The following ITGB6 variants were observed in gnomAD, a reference collection of about 807,000 sequenced individuals.
ITGB6 encodes the protein integrin subunit beta 6.
A neutral mutation model predicts 84.5 loss-of-function variants in ITGB6; 80 were observed. That is an observed-to-expected ratio of 0.95 (90% confidence interval 0.79 to 1.14). ITGB6 has a LOEUF of 1.14. ITGB6 is among the 50% of genes most tolerant of loss of function. The pLI is 0.00. For missense variants in ITGB6, 1,006 were observed against 968.0 expected (o/e 1.04, Z -0.52); for synonymous variants, 383 against 354.9 (o/e 1.08, Z -0.89).
chr2:160,183,505 C>G (rs1685770156), intron 4 of ITGB6, among the ~76,000 whole-genome samples: 1 of 152,096 alleles, frequency 6.6e-6, no homozygotes, highest in African/African-American at 2.4e-5. Flanking sequence ...CCTTAGATAC[C>G]TACAAAGAAA....
At chr2:160,158,074 T>A (rs1330696295) in intron 7 of ITGB6, among the ~76,000 whole-genome samples, 1 of 152,182 alleles carries the variant, frequency 6.6e-6, no homozygotes, top group Non-Finnish European at 1.5e-5. Context: ...ATGTAATTGT[T>A]CCTGGCACAA....
chr2:160,183,603 T>C (rs1006199809), intron 4 of ITGB6, among the ~76,000 whole-genome samples: 3 of 152,128 alleles, frequency 2.0e-5, no homozygotes, highest in Middle Eastern at 3.2e-3. Flanking sequence ...TATACAAGGA[T>C]ATTCAGGACT....
chr2:160,157,912 G>A (rs545039489), intron 7 of ITGB6, among the ~76,000 whole-genome samples: 1 of 152,216 alleles, frequency 6.6e-6, no homozygotes, highest in East Asian at 1.9e-4. Context: ...TCTTCAGAAG[G>A]CTTTCTTCCC....
At chr2:160,171,331 TTTTTTA>T (rs1247502546) in intron 6 of ITGB6, among the ~76,000 whole-genome samples, 12 of 145,614 alleles carry the variant, frequency 8.2e-5, no homozygotes, top group South Asian at 2.3e-4. Flanking sequence ...TCAAATTTAT[TTTTTTA>T]TTTTTTTTTT....
Position 160,129,531 on chromosome 2 carries a change from A to G in ITGB6, c.1661-2930T>C, listed in dbSNP as rs572284902. On this transcript the variant is annotated intron_variant, in intron 10 of 14. Transcript: ENST00000283249. The stretch of plus-strand genomic sequence containing the variant: ...CTGGCCCATAAATAAGCACTATACA[A>G]GTGTTAGTTACTGCCATTATTTCTG... Among the ~76,000 whole-genome samples, 423 of 152,296 alleles carry G rather than the reference A, an allele frequency of 2.8e-3. 2 individuals carry two copies. The highest frequency in any genetic ancestry group is 4.9e-3 in the Non-Finnish European group (331 of 68,024).
At chr2:160,177,064 G>C (rs1360370182) in intron 4 of ITGB6, among the ~76,000 whole-genome samples, 1 of 152,010 alleles carries the variant, frequency 6.6e-6, no homozygotes, top group African/African-American at 2.4e-5. Flanking sequence ...ATTGCCATCT[G>C]TGGTATTAGT....
At chr2:160,157,111 T>C (rs999265564) in intron 7 of ITGB6, among the ~76,000 whole-genome samples, 15 of 152,310 alleles carry the variant, frequency 9.8e-5, no homozygotes, top group African/African-American at 3.6e-4. Context: ...CATTGTCACA[T>C]GATGTTCTCC....
intron 4 of ITGB6, among the ~76,000 whole-genome samples, chr2:160,191,059 T>C (rs1686121493): frequency 6.6e-6 from 1 of 152,166 alleles, no homozygotes; most frequent in African/African-American, 2.4e-5. Flanking sequence ...GGTATAATAT[T>C]CTCTGATTTT....
At chr2:160,179,074 G>C (rs1487937083) in intron 4 of ITGB6, 6 of 152,066 alleles carry the variant, frequency 3.9e-5, no homozygotes, top group Non-Finnish European at 7.4e-5. Flanking sequence ...ACTTGATTTT[G>C]AGTCCCTAGA....
rs551611850 is a variant in ITGB6 at position 160,192,818 on chromosome 2, A to G, written c.593+2551T>C. On this transcript the variant is annotated intron_variant, in intron 4 of 14. Coordinates refer to ENST00000283249, the MANE Select transcript of ITGB6 (RefSeq NM_000888.5). The stretch of plus-strand genomic sequence containing the variant: ...GGAAAGACAGTCTAATCTTAAAAAA[A>G]TGGGCAAAAGATTTGAAAAGAAACC... Among the ~76,000 whole-genome samples, 204 of 152,258 alleles carry G rather than the reference A, an allele frequency of 1.3e-3. 2 individuals are homozygous for G. The highest frequency in any genetic ancestry group is 4.5e-3 in the African/African-American group (189 of 41,578).
intron 4 of ITGB6, among the ~76,000 whole-genome samples, chr2:160,189,128 G>T (rs1208448494): frequency 6.6e-6 from 1 of 152,138 alleles, no homozygotes; most frequent in Non-Finnish European, 1.5e-5. Context: ...AATAAATGGT[G>T]CTGGGAAAAC....
At chr2:160,192,161 A>C (rs930385129) in intron 4 of ITGB6, among the ~76,000 whole-genome samples, 7 of 152,132 alleles carry the variant, frequency 4.6e-5, no homozygotes, top group Non-Finnish European at 8.8e-5. Context: ...CAAAGGATCT[A>C]GGATAAACAA....
rs1559238884 is a variant in ITGB6 at position 160,195,629 on chromosome 2, CA to C, written c.347-15del. 1 of 1,612,626 alleles carries C rather than the reference CA, an allele frequency of 6.2e-7. No individual in the cohort carries two copies. Among genetic ancestry groups the C allele is most frequent in the African/African-American group, 1.3e-5 (1 of 75,024 alleles). The stretch of plus-strand genomic sequence containing the variant: ...TCTGCGCACCACCTGCAAAGCCCAA[CA>C]GGAAAAGCAAACCCAGGAAAACACA... On this transcript the variant is annotated splice_polypyrimidine_tract_variant and intron_variant, in intron 3 of 14. Transcript: ENST00000283249.
chr2:160,124,689 C>T (rs1317737081), intron 11 of ITGB6, among the ~76,000 whole-genome samples: 1 of 152,176 alleles, frequency 6.6e-6, no homozygotes, highest in Non-Finnish European at 1.5e-5. Flanking sequence ...TCTCCTCTGG[C>T]CATGGAAATG....
At chr2:160,145,521 G>A (rs527326317) in intron 7 of ITGB6, among the ~76,000 whole-genome samples, 69 of 152,296 alleles carry the variant, frequency 4.5e-4, no homozygotes, top group African/African-American at 1.6e-3. Flanking sequence ...TCCTCTTTGT[G>A]GAAGAGAAAG....
At chr2:160,188,505 CT>C (rs1330074001) in intron 4 of ITGB6, among the ~76,000 whole-genome samples, 4 of 152,152 alleles carry the variant, frequency 2.6e-5, no homozygotes, top group Non-Finnish European at 4.4e-5. Context: ...TGGTCTCCCC[CT>C]AATCACACCC....
At position 160,112,123 on chromosome 2, in the gene ITGB6, T is replaced by C. The variant is rs199673949; in HGVS notation, c.2058A>G (p.Thr686=). Residue 686 remains threonine, a synonymous_variant, in exon 13 of 15, where the codon ACA becomes ACG. Transcript: ENST00000283249. ...NECLITFLIT[T]DNEGKTIIHS... ...GAATGATGGTTTTCCCCTCATTATC[T>C]GTAGTTATTAGGAATGTAATAAGAC... is the stretch of plus-strand genomic sequence containing the variant. 2.5e-6 allele frequency: 4 copies of C among 1,612,814 alleles called. No homozygotes were observed. Among genetic ancestry groups the C allele is most frequent in the South Asian group, 2.2e-5 (2 of 90,812 alleles).
At position 160,142,098 on chromosome 2, in the gene ITGB6, T is replaced by A. The variant is rs1203797728; in HGVS notation, c.1018-27A>T. 2.1e-6 allele frequency: 3 copies of A among 1,429,306 alleles called. No homozygotes were observed. The African/African-American group carries it at 4.3e-5, about 20-fold the overall frequency. The allele number at this position is 1,429,306 out of a possible 1,614,324, so 88.5% of individuals were successfully genotyped here. On this transcript the variant is annotated intron_variant, in intron 7 of 14. Coordinates refer to ENST00000283249, the MANE Select transcript of ITGB6 (RefSeq NM_000888.5). The stretch of plus-strand genomic sequence containing the variant: ...TGTAAACAGAAAAAGAGTAAGTCAA[T>A]CTTTGTTTCCTCATGGTAATTGAGA...
intron 2 of ITGB6, among the ~76,000 whole-genome samples, chr2:160,198,827 C>T (rs1180288469): frequency 6.6e-6 from 1 of 152,156 alleles, no homozygotes; most frequent in African/African-American, 2.4e-5. Context: ...GTATGTTTAA[C>T]TTTAGAAAAT....
Sources: gnomAD v4.1 joint callset for allele counts (sites outside exome capture counted in the v4.1 genomes callset) on GRCh38, gnomAD v4.1.1 for gene constraint, MANE v1.5 for transcripts, NCBI Gene and HGNC (gene_info 2026-07-23, HGNC 2026-07-21) for gene names.